Variants in FHIT observed in about 807,000 individuals in gnomAD.
FHIT encodes the protein bis(5'-adenosyl)-triphosphatase.
Under a neutral mutation model 17.9 loss-of-function variants are expected in FHIT, and 19 were observed. That is an observed-to-expected ratio of 1.06 (90% CI 0.74 to 1.56). The LOEUF (loss-of-function observed/expected upper bound fraction) is 1.56. Among genes scored for constraint, FHIT ranks in the 40% most tolerant of loss-of-function variants. FHIT has a pLI of 0.00. For missense variants in FHIT, 248 were observed against 189.2 expected, an observed-to-expected ratio of 1.31 and a Z score of -1.82; for synonymous variants, 81 against 69.7, an observed-to-expected ratio of 1.16 and a Z score of -0.81.
chr3:60,878,136 T>G (rs782231694), intron 3 of FHIT, among the ~76,000 whole-genome samples: 4 of 151,994 alleles, frequency 2.6e-5, no homozygotes, highest in Non-Finnish European at 4.4e-5. Flanking sequence ...TCCCCAGGGG[T>G]AGAATCACAG....
chr3:61,214,293 A>C (rs2039594755), intron 1 of FHIT, among the ~76,000 whole-genome samples: 1 of 152,254 alleles, frequency 6.6e-6, no homozygotes, highest in African/African-American at 2.4e-5. Context: ...GAGAAGAATC[A>C]AATAGACGCA....
At chr3:61,016,868 A>G (rs989201250) in intron 3 of FHIT, among the ~76,000 whole-genome samples, 1 of 152,262 alleles carries the variant, frequency 6.6e-6, no homozygotes, top group African/African-American at 2.4e-5. Context: ...ACAGGAACAC[A>G]GACAGAAATA....
chr3:61,205,698 A>G (rs1043722657), intron 1 of FHIT, among the ~76,000 whole-genome samples: 1 of 152,068 alleles, frequency 6.6e-6, no homozygotes, highest in Non-Finnish European at 1.5e-5. Context: ...ATTTGAGTTC[A>G]TTGTAGATTC....
At chr3:60,550,914 A>G (rs552474609) in intron 4 of FHIT, among the ~76,000 whole-genome samples, 2 of 152,276 alleles carry the variant, frequency 1.3e-5, no homozygotes, top group East Asian at 3.9e-4. Context: ...TCTGATTGTG[A>G]CTTGAAGGAA....
At chr3:60,234,245 A>G (rs1442249957) in intron 5 of FHIT, among the ~76,000 whole-genome samples, 1 of 152,208 alleles carries the variant, frequency 6.6e-6, no homozygotes, top group African/African-American at 2.4e-5. Flanking sequence ...AATGCCTTGG[A>G]AAGTGAAATT....
At chr3:60,974,450 T>C (rs1413837040) in intron 3 of FHIT, among the ~76,000 whole-genome samples, 1 of 152,276 alleles carries the variant, frequency 6.6e-6, no homozygotes, top group Middle Eastern at 3.4e-3. Flanking sequence ...TGCTGCTGGT[T>C]GGTAAAGGGA....
At chr3:61,158,855 A>G (rs1418230853) in intron 2 of FHIT, among the ~76,000 whole-genome samples, 1 of 152,194 alleles carries the variant, frequency 6.6e-6, no homozygotes, top group East Asian at 1.9e-4. Context: ...CAGACACCAT[A>G]AAACAACATA....
chr3:61,082,132 A>AT (rs995509487), intron 2 of FHIT, among the ~76,000 whole-genome samples: 4 of 152,132 alleles, frequency 2.6e-5, no homozygotes, highest in African/African-American at 9.7e-5. Flanking sequence ...AGAAAAGTGC[A>AT]TAAATCAGAA....
chr3:59,886,564 C>G (rs1212583022), intron 8 of FHIT, among the ~76,000 whole-genome samples: 2 of 152,096 alleles, frequency 1.3e-5, no homozygotes, highest in African/African-American at 4.8e-5. Context: ...GCAGAGATCA[C>G]ATGGGGAGCG....
intron 5 of FHIT, among the ~76,000 whole-genome samples, chr3:60,027,298 T>C (rs952983865): frequency 9.8e-5 from 15 of 152,330 alleles, no homozygotes; most frequent in Non-Finnish European, 2.1e-4. Flanking sequence ...AAACAAATGT[T>C]CTGGCAATTC....
chr3:60,656,378 T>C (rs970829410), intron 4 of FHIT, among the ~76,000 whole-genome samples: 15 of 152,294 alleles, frequency 9.8e-5, no homozygotes, highest in Middle Eastern at 3.4e-3. Flanking sequence ...GAAAGAACTC[T>C]ATTACTGGGG....
At chr3:59,997,681 C>G (rs530912250) in intron 7 of FHIT, among the ~76,000 whole-genome samples, 4 of 152,256 alleles carry the variant, frequency 2.6e-5, no homozygotes, top group Admixed American at 1.3e-4. Flanking sequence ...ATCAACTTAT[C>G]ACAAATTACA....
chr3:60,178,818 A>C (rs553444087), intron 5 of FHIT, among the ~76,000 whole-genome samples: 5 of 152,208 alleles, frequency 3.3e-5, no homozygotes, highest in Non-Finnish European at 7.3e-5. Context: ...TCCTAGAAAT[A>C]TACCATGGTA....
intron 4 of FHIT, among the ~76,000 whole-genome samples, chr3:60,563,564 A>T (rs2037029869): frequency 6.6e-6 from 1 of 152,230 alleles, no homozygotes; most frequent in Non-Finnish European, 1.5e-5. Context: ...AATGCAAAGG[A>T]CAAGTTATTG....
At chr3:60,732,874 G>C (rs2042062023) in intron 4 of FHIT, among the ~76,000 whole-genome samples, 1 of 151,858 alleles carries the variant, frequency 6.6e-6, no homozygotes, top group South Asian at 2.1e-4. Context: ...ATTTTTAGTA[G>C]AGGCGGGGTT....
At chr3:60,159,506 T>A (rs1700847662) in intron 5 of FHIT, among the ~76,000 whole-genome samples, 1 of 152,110 alleles carries the variant, frequency 6.6e-6, no homozygotes, top group African/African-American at 2.4e-5. Flanking sequence ...TTAAATTAAA[T>A]TATAAGGGGG....
intron 5 of FHIT, among the ~76,000 whole-genome samples, chr3:60,219,527 C>T (rs1385401667): frequency 2.6e-5 from 4 of 151,994 alleles, no homozygotes; most frequent in Admixed American, 1.3e-4. Context: ...TATTGAGTAA[C>T]GAACTTTGAA....
rs546424366 is a variant in FHIT at position 60,485,123 on chromosome 3, G to A, written c.103+51737C>T. Among the ~76,000 whole-genome samples the A allele has an allele frequency of 2.2e-4, 33 of 152,306 alleles. No homozygotes were observed. In the Middle Eastern group the frequency reaches 0.01, roughly 47 times the overall value. ...ATGAGATACCATCTGAAGTCAGTCA[G>A]AATGGTGAGTACTGAAAAACCAAGA... On this transcript the variant is annotated intron_variant, in intron 5 of 9. Transcript: ENST00000492590.
chr3:60,797,972 A>G (rs1701045289), intron 4 of FHIT, among the ~76,000 whole-genome samples: 1 of 152,182 alleles, frequency 6.6e-6, no homozygotes. Flanking sequence ...AGGAAAATAT[A>G]TTCAAATTGT....
Sources: allele counts gnomAD v4.1 joint callset (sites outside exome capture counted in the v4.1 genomes callset), GRCh38; gene constraint gnomAD v4.1.1; transcripts MANE v1.5; gene names NCBI Gene and HGNC (gene_info 2026-07-23, HGNC 2026-07-21).